NOTCH3: variants seen among roughly 807,000 people sequenced by gnomAD.
NOTCH3 encodes the protein notch receptor 3, also known as neurogenic locus notch homolog protein 3.
In NOTCH3, 86 loss-of-function variants were observed where a neutral mutation model predicts 213.3. The observed-to-expected ratio is 0.40, with a 90% confidence interval of 0.34 to 0.48. The LOEUF is 0.48. Among genes scored for constraint, NOTCH3 ranks in the 20% least tolerant of loss-of-function variants. NOTCH3 has a pLI of 0.57. For synonymous variants in NOTCH3, 1,354 were observed against 1,355.9 expected, an observed-to-expected ratio of 1.00 and a Z score of 0.03; for missense variants, 2,783 against 3,272.6, an observed-to-expected ratio of 0.85 and a Z score of 3.65.
Position 15,189,321 on chromosome 19 carries a change from C to T in NOTCH3, c.1144G>A (p.Gly382Ser), listed in dbSNP as rs2145437046. 11 of 1,614,088 alleles carry T rather than the reference C, an allele frequency of 6.8e-6. No individual in the cohort carries two copies. Among genetic ancestry groups the T allele is most frequent in the Non-Finnish European group, 9.3e-6 (11 of 1,180,032 alleles). The change falls in exon 7 of 33, where the codon GGC (glycine) becomes AGC (serine). Residue 382 changes from glycine (G) to serine (S), a missense_variant. By Grantham distance (56) the Gly-to-Ser change is moderately conservative. Transcript: ENST00000263388. ...TGGTCACATGCCCCACCCGTGAAGC[C>T]GGGAGGACAGGTGCAAATGGCCCGG... ...NGRAICTCPP[G>S]FTGGACDQDV...
intron 24 of NOTCH3, among the ~76,000 whole-genome samples, chr19:15,176,518 T>C (rs2046791087): frequency 6.6e-6 from 1 of 152,058 alleles, no homozygotes; most frequent in South Asian, 2.1e-4. Context: ...CCCAGCACTT[T>C]GAGAGGCTAA....
intron 23 of NOTCH3, 62 bp downstream of exon 23, chr19:15,178,761 G>A (rs747857922): frequency 2.2e-5 from 26 of 1,173,774 alleles, no homozygotes; most frequent in Non-Finnish European, 3.2e-5. Context: ...TAGACGCCAC[G>A]CCCCTACTAC....
Position 15,160,774 on chromosome 19 carries a change from C to T in NOTCH3, c.6854G>A (p.Gly2285Glu). Residue 2285 changes from glycine to glutamate, a missense_variant, in exon 33 of 33, where the codon GGG becomes GAG. Coordinates refer to ENST00000263388, the MANE Select transcript of NOTCH3 (RefSeq NM_000435.3). ...TATGAMATTT[G>E]ALPAQPLPLS... Reference sequence around the variant, plus strand: ...GGGAAGTGGCTGGGCAGGCAGTGCCCCAGTGGTGGTGGCCATGGCCCCAGT... The same window carrying T: ...GGGAAGTGGCTGGGCAGGCAGTGCCTCAGTGGTGGTGGCCATGGCCCCAGT... 6.2e-7 allele frequency: 1 copy of T among 1,613,946 alleles called. No individual in the cohort carries two copies. The highest frequency in any genetic ancestry group is 8.5e-7 in the Non-Finnish European group (1 of 1,179,872).
rs1409137354 is a variant in NOTCH3 at position 15,195,831 on chromosome 19, G to T, written c.197+1669C>A. ...CCCCGGGCGGGTTCCCACGCTCTGC[G>T]TCCCGCGCCCCCGCCGACCGGTCGG... On this transcript the variant is annotated intron_variant, in intron 2 of 32. Transcript: ENST00000263388. 2.0e-5 allele frequency among the ~76,000 whole-genome samples: 3 copies of T among 151,626 alleles called. No homozygotes were observed. The East Asian group carries it at 5.9e-4, about 30-fold the overall frequency.
chr19:15,187,835 A>G, intron 10 of NOTCH3, 46 bp downstream of exon 10: 1 of 1,470,042 alleles, frequency 6.8e-7, no homozygotes, highest in Admixed American at 2.0e-5. Context: ...GTCGCCCACA[A>G]GCCCCGCCTC....
rs1206830754 is a variant in NOTCH3 at position 15,181,820 on chromosome 19, C to T, written c.2567-19G>A. ...CATGGGTCTGCGGACAGGAGGAAGGCGGTCTGGTCACCTACCTTGCCCCCA... is the reference window on the plus strand; with the variant it reads ...CATGGGTCTGCGGACAGGAGGAAGGTGGTCTGGTCACCTACCTTGCCCCCA... On this transcript the variant is annotated intron_variant, in intron 16 of 32. Coordinates refer to ENST00000263388, the MANE Select transcript of NOTCH3 (RefSeq NM_000435.3). The T allele has an allele frequency of 4.5e-6, 7 of 1,545,296 alleles. No individual in the cohort carries two copies. Among genetic ancestry groups the T allele is most frequent in the African/African-American group, 4.1e-5 (3 of 73,062 alleles).
Position 15,162,471 on chromosome 19 carries a change from A to G in NOTCH3, c.5907T>C (p.Asp1969=), listed in dbSNP as rs1362284252. 4.3e-6 allele frequency: 7 copies of G among 1,612,866 alleles called. No individual in the cohort carries two copies. Among genetic ancestry groups the G allele is most frequent in the African/African-American group, 1.3e-5 (1 of 74,890 alleles). The change falls in exon 32 of 33, where the codon GAT becomes GAC. Residue 1969 remains aspartate, a synonymous_variant. Coordinates refer to ENST00000263388, the MANE Select transcript of NOTCH3 (RefSeq NM_000435.3). ...LKNGANKDMQ[D]SKEETPLFLA... ...ACCAAGGGCTGGGGCTCACCTTGCT[A>G]TCCTGCATGTCCTTATTGGCTCCAT... is the stretch of plus-strand genomic sequence containing the variant.
intron 2 of NOTCH3, among the ~76,000 whole-genome samples, 186 bp from the exon 3 acceptor site, chr19:15,192,705 A>G (rs1466666843): frequency 6.6e-6 from 1 of 152,198 alleles, no homozygotes; most frequent in Non-Finnish European, 1.5e-5. Flanking sequence ...ACTTGGGGTC[A>G]GGAGTTCAAG....
intron 16 of NOTCH3, among the ~76,000 whole-genome samples, chr19:15,182,634 CT>C (rs1422767419): frequency 2.7e-5 from 4 of 150,456 alleles, no homozygotes; most frequent in Non-Finnish European, 1.5e-5. Context: ...TATTTATTTA[CT>C]TTTATTTTTA....
chr19:15,171,951 C>T (rs766425299), intron 25 of NOTCH3, among the ~76,000 whole-genome samples: 4 of 151,928 alleles, frequency 2.6e-5, no homozygotes, highest in African/African-American at 7.3e-5. Context: ...GGCTGGAGTG[C>T]AATGGTGCTA....
chr19:15,185,626 C>T lies in NOTCH3; in HGVS notation c.2005G>A (p.Gly669Arg). ...TTTTCCCCATCCACACAGGAACCTCCCTCGCCGCATGGGCTGGAAGCACAC... is the reference window on the plus strand; with the variant it reads ...TTTTCCCCATCCACACAGGAACCTCTCTCGCCGCATGGGCTGGAAGCACAC... Reference protein sequence around the residue: ...NECASSPCGEGGSCVDGENGF... With the variant: ...NECASSPCGERGSCVDGENGF... The change falls in exon 13 of 33, where the codon GGA becomes AGA. Residue 669 changes from glycine (G) to arginine (R), a missense_variant. Transcript: ENST00000263388. This position sits in a 1 kb window ranked among gnomAD's most constrained non-coding sequence, Gnocchi z 4.2. The T allele has an allele frequency of 1.2e-6, 2 of 1,613,638 alleles. No individual in the cohort carries two copies. The highest frequency in any genetic ancestry group is 1.7e-6 in the Non-Finnish European group (2 of 1,180,024).
In NOTCH3 at chr19:15,178,632, G is replaced by A. The variant is rs1248655433; in HGVS notation, c.3837+191C>T. ...ACTCCTGGCCTCAAGTGATCCTCCC[G>A]CCTCGGCCTCCCAATGTGCTGGGAT... On this transcript the variant is annotated intron_variant, in intron 23 of 32. Transcript: ENST00000263388. The A allele has an allele frequency of 2.2e-5, 14 of 632,316 alleles. No individual in the cohort carries two copies. In the Admixed American group the frequency reaches 3.0e-4, roughly 13 times the overall value. The allele number at this position is 632,316 out of a possible 1,614,324, so 39.2% of individuals were successfully genotyped here. A position where few individuals can be genotyped will look rare whatever the true frequency, so the allele number is the denominator to read the frequency against.
intron 2 of NOTCH3, among the ~76,000 whole-genome samples, chr19:15,196,891 T>C (rs2046973867): frequency 6.6e-6 from 1 of 152,170 alleles, no homozygotes. Context: ...TCTGCTCTGC[T>C]CCCTGCAACC....
Position 15,189,342 on chromosome 19 carries a change from C to A in NOTCH3, c.1123G>T (p.Ala375Ser). The change falls in exon 7 of 33, where the codon GCC becomes TCC. Residue 375 changes from alanine (A) to serine (S), a missense_variant. By Grantham distance (99) the Ala-to-Ser change is moderately conservative. Around this residue, in one of 6 missense-constraint regions of NOTCH3, gnomAD observed 708 missense variants for 906.6 expected, o/e 0.78. Coordinates refer to ENST00000263388, the MANE Select transcript of NOTCH3 (RefSeq NM_000435.3). Reference sequence around the variant, plus strand: ...AAGCCGGGAGGACAGGTGCAAATGGCCCGGCCGTTCACCGGATTTGTGTCA... The same window carrying A: ...AAGCCGGGAGGACAGGTGCAAATGGACCGGCCGTTCACCGGATTTGTGTCA... Reference protein sequence around the residue: ...ICDTNPVNGRAICTCPPGFTG... With the variant: ...ICDTNPVNGRSICTCPPGFTG... 3 of 1,614,032 alleles carry A rather than the reference C, an allele frequency of 1.9e-6. No homozygotes were observed. The highest frequency in any genetic ancestry group is 2.5e-6 in the Non-Finnish European group (3 of 1,180,034).
At chr19:15,184,016 G>A (rs1368844326) in intron 16 of NOTCH3, among the ~76,000 whole-genome samples, 1 of 117,168 alleles carries the variant, frequency 8.5e-6, no homozygotes, top group Non-Finnish European at 1.6e-5. Context: ...GCACTCCAGC[G>A]ACAGAGCTAA....
In NOTCH3 at chr19:15,165,396, A is replaced by G; in HGVS notation, c.5787T>C (p.His1929=). 1 of 1,609,264 alleles carries G rather than the reference A, an allele frequency of 6.2e-7. No homozygotes were observed. Among genetic ancestry groups the G allele is most frequent in the Non-Finnish European group, 8.5e-7 (1 of 1,180,008 alleles). ...EGMVEELIAS[H]ADVNAVDELG... ...GCTCATCCACAGCATTGACATCAGC[A>G]TGGCTGGCGATGAGCTCTTCCACCA... The change falls in exon 31 of 33, where the codon CAT becomes CAC. Residue 1929 remains histidine, a synonymous_variant. Coordinates refer to ENST00000263388, the MANE Select transcript of NOTCH3 (RefSeq NM_000435.3). This position sits in a 1 kb window ranked among gnomAD's most constrained non-coding sequence, Gnocchi z 4.7.
Position 15,177,724 on chromosome 19 carries a change from C to T in NOTCH3, c.4204G>A (p.Asp1402Asn). The T allele has an allele frequency of 6.5e-7, 1 of 1,529,460 alleles. No homozygotes were observed. Among genetic ancestry groups the T allele is most frequent in the Non-Finnish European group, 8.7e-7 (1 of 1,144,478 alleles). 94.7% of individuals were successfully genotyped at this position (1,529,460 alleles called of 1,614,324 possible). Residue 1402 changes from aspartate to asparagine, a missense_variant, in exon 24 of 33, where the codon GAC (aspartate) becomes AAC (asparagine). Asp to Asn is a conservative substitution (Grantham distance 23). Transcript: ENST00000263388. ...CQAKRGDQRC[D>N]RECNSPGCGW... ...CAGCCTGGGCTGTTGCACTCGCGGT[C>T]GCAGCGCTGGTCCCCGCGCTTGGCC...
chr19:15,165,244 C>G lies in NOTCH3; in HGVS notation c.5815+124G>C, dbSNP rs2074617. The G allele has an allele frequency of 0.88, 903,812 of 1,021,508 alleles. 401,306 individuals carry two copies. The highest frequency in any genetic ancestry group is 0.97 in the African/African-American group (61,986 of 63,808). 63.3% of individuals were successfully genotyped at this position (1,021,508 alleles called of 1,614,324 possible). A position where few individuals can be genotyped will look rare whatever the true frequency, so the allele number is the denominator to read the frequency against. ...GCATGACCCTGCAGGCTTCATGAAG[C>G]CTGGTTATGTGTGCGTGAGCTTCAG... is the stretch of plus-strand genomic sequence containing the variant. On this transcript the variant is annotated intron_variant, in intron 31 of 32. Transcript: ENST00000263388. This position sits in a 1 kb window ranked among gnomAD's most constrained non-coding sequence, Gnocchi z 4.7.
chr19:15,173,118 T>C lies in NOTCH3; in HGVS notation c.4736+950A>G, dbSNP rs1197366252. On this transcript the variant is annotated intron_variant, in intron 25 of 32. Coordinates refer to ENST00000263388, the MANE Select transcript of NOTCH3 (RefSeq NM_000435.3). ...TTCTTCTTCTTCTTTTTTTTTTTTT[T>C]TTTTTTTTTTAAGAGATCGGAGGCC... Among the ~76,000 whole-genome samples, 86 of 95,238 alleles carry C rather than the reference T, an allele frequency of 9.0e-4. 9 individuals are homozygous for C. Among genetic ancestry groups the C allele is most frequent in the African/African-American group, 7.3e-3 (82 of 11,228 alleles). The allele number at this position is 95,238 out of a possible 152,430, so 62.5% of individuals were successfully genotyped here.
Sources: allele counts gnomAD v4.1 joint callset (sites outside exome capture counted in the v4.1 genomes callset), GRCh38; gene constraint gnomAD v4.1.1; regional missense constraint gnomAD v4.1.1; non-coding constraint Gnocchi (gnomAD v3.1); transcripts MANE v1.5; gene names NCBI Gene and HGNC (gene_info 2026-07-23, HGNC 2026-07-21).